SPTBN5: variants seen among roughly 807,000 people sequenced by gnomAD.
The protein encoded by SPTBN5 is spectrin beta chain, non-erythrocytic 5.
SPTBN5 carries 513 observed loss-of-function variants against 477.6 expected under a neutral mutation model. The observed-to-expected ratio is 1.07, with a 90% CI of 1.00 to 1.16. The LOEUF is 1.16. SPTBN5 is among the 50% of genes most tolerant of loss of function. The pLI, the probability that SPTBN5 is intolerant of heterozygous loss-of-function variation, is 0.00. For missense variants in SPTBN5, 5,062 were observed against 4,731.8 expected, an observed-to-expected ratio of 1.07 and a Z score of -2.05; for synonymous variants, 2,169 against 2,011.7, an observed-to-expected ratio of 1.08 and a Z score of -2.09.
intron 13 of SPTBN5, 48 bp downstream of exon 13, chr15:41,880,986 G>A (rs2066931132): frequency 6.6e-7 from 1 of 1,504,280 alleles, no homozygotes; most frequent in Non-Finnish European, 9.0e-7. Flanking sequence ...CACAGGAGCT[G>A]CTGGCACAGA....
chr15:41,851,415 C>T (rs564053062), intron 63 of SPTBN5, 46 bp from the exon 64 acceptor site: 2 of 1,422,700 alleles, frequency 1.4e-6, no homozygotes, highest in South Asian at 1.2e-5. Flanking sequence ...ACGCAGGAAG[C>T]CAGAGCTAGG....
chr15:41,853,722 C>G lies in SPTBN5; in HGVS notation c.9840G>C (p.Gln3280His). Reference protein sequence around the residue: ...RLQTEACRLGQLHPAAPGGLA... With the variant: ...RLQTEACRLGHLHPAAPGGLA... ...GGCCCCCCGGAGCTGCAGGATGTAG[C>G]TGGCCCAGTCGGCAGGCCTCCGTCT... The change falls in exon 58 of 68, where the codon CAG (glutamine) becomes CAC (histidine). Residue 3280 changes from glutamine to histidine, a missense_variant. Gln to His is a conservative substitution (Grantham distance 24). Transcript: ENST00000320955. 6.3e-7 allele frequency: 1 copy of G among 1,592,358 alleles called. No homozygotes were observed. Among genetic ancestry groups the G allele is most frequent in the East Asian group, 2.3e-5 (1 of 43,998 alleles).
At position 41,856,899 on chromosome 15, in the gene SPTBN5, T is replaced by C; in HGVS notation, c.8762A>G (p.Tyr2921Cys). Residue 2921 changes from tyrosine (Y) to cysteine (C), a missense_variant, in exon 52 of 68, where the codon TAT becomes TGT. Physicochemically the swap from Tyr to Cys is radical, Grantham distance 194 (BLOSUM62 -2). Transcript: ENST00000320955. ...EKLPLAAAQD[Y>C]GQSLSAVRHL... ...CCGCACCGCACTCAGGCTCTGGCCA[T>C]AGTCCTGGGCAGCGGCCAGAGGCAG... is the stretch of plus-strand genomic sequence containing the variant. The C allele has an allele frequency of 6.4e-7, 1 of 1,552,460 alleles. No homozygotes were observed.
rs2066746987 is a variant in SPTBN5 at position 41,876,721 on chromosome 15, AC to A, written c.3852-75del. ...CCCAGCACGAGGTGCACTCTCCCCC[AC>A]CCCCTACTCTCCCAGCCCTAGGGCG... is the stretch of plus-strand genomic sequence containing the variant. On this transcript the variant is annotated intron_variant, in intron 19 of 67. Transcript: ENST00000320955. The A allele has an allele frequency of 3.9e-6, 5 of 1,295,874 alleles. No homozygotes were observed. In the Admixed American group the frequency reaches 7.1e-5, roughly 18 times the overall value. The allele number at this position is 1,295,874 out of a possible 1,614,324, so 80.3% of individuals were successfully genotyped here.
At chr15:41,863,878 G>C in intron 40 of SPTBN5, 31 bp downstream of exon 40, 1 of 1,613,128 alleles carries the variant, frequency 6.2e-7, no homozygotes, top group East Asian at 2.2e-5. Context: ...CCTCTTCCCG[G>C]CCCTTTGGTT....
intron 61 of SPTBN5, 146 bp downstream of exon 61, chr15:41,852,488 C>T: frequency 7.9e-7 from 1 of 1,272,478 alleles, no homozygotes; most frequent in Non-Finnish European, 1.1e-6. Flanking sequence ...CACAATGGTG[C>T]CTCTCCCACC....
At position 41,882,252 on chromosome 15, in the gene SPTBN5, C is replaced by T; in HGVS notation, c.2247+17G>A. On this transcript the variant is annotated intron_variant, in intron 11 of 67. Transcript: ENST00000320955. ...GCCGGGCCCCGCCCCCACCCCGCCT[C>T]CACCCCTCCCCACTACCTGCAGGAC... The T allele has an allele frequency of 7.1e-7, 1 of 1,411,522 alleles. No individual in the cohort carries two copies. Among genetic ancestry groups the T allele is most frequent in the Non-Finnish European group, 9.3e-7 (1 of 1,073,866 alleles). 87.4% of individuals were successfully genotyped at this position (1,411,522 alleles called of 1,614,324 possible). A position where few individuals can be genotyped will look rare whatever the true frequency, so the allele number is the denominator to read the frequency against.
At chr15:41,870,669 T>C in intron 29 of SPTBN5, 109 bp from the exon 30 acceptor site, 1 of 863,284 alleles carries the variant, frequency 1.2e-6, no homozygotes, top group South Asian at 1.7e-5. Flanking sequence ...TATCGGGACT[T>C]GCCCAAAGCT....
Position 41,851,156 on chromosome 15 carries a change from G to A in SPTBN5, c.10744-6C>T. On this transcript the variant is annotated splice_polypyrimidine_tract_variant and splice_region_variant and intron_variant, in intron 64 of 67. Transcript: ENST00000320955. ...AGGGCTATGGAAGCTACTTTCTGAG[G>A]AGAGATGAGAGGCAGGGGTCACTGC... 1.9e-6 allele frequency: 3 copies of A among 1,611,964 alleles called. No individual in the cohort carries two copies. The highest frequency in any genetic ancestry group is 2.5e-6 in the Non-Finnish European group (3 of 1,179,246).
At chr15:41,850,503 C>T in intron 66 of SPTBN5, 3 of 288,418 alleles carry the variant, frequency 1.0e-5, no homozygotes, top group Non-Finnish European at 1.9e-5. Context: ...GCACCCAGAT[C>T]AGACAGAACA....
chr15:41,866,837 C>T, intron 36 of SPTBN5, 122 bp downstream of exon 36: 2 of 1,282,776 alleles, frequency 1.6e-6, no homozygotes, highest in Non-Finnish European at 2.1e-6. Context: ...TCCAGCACAG[C>T]CTCTGGGAAA....
Position 41,852,325 on chromosome 15 carries a change from G to T in SPTBN5, c.10450-9C>A. ...AGGAGCTCCTGTTCCATCTTGGGGA[G>T]TGGGCAAGGTGGGCAAGGTGAGCCA... On this transcript the variant is annotated splice_polypyrimidine_tract_variant and intron_variant, in intron 61 of 67. Transcript: ENST00000320955. The T allele has an allele frequency of 6.5e-7, 1 of 1,546,426 alleles. No individual in the cohort carries two copies. The highest frequency in any genetic ancestry group is 1.4e-5 in the African/African-American group (1 of 73,494).
intron 46 of SPTBN5, among the ~76,000 whole-genome samples, 187 bp downstream of exon 46, chr15:41,861,232 C>T (rs1423783723): frequency 6.6e-6 from 1 of 152,230 alleles, no homozygotes; most frequent in Non-Finnish European, 1.5e-5. Context: ...GGCCTGCCCA[C>T]AGCTGCATGG....
intron 48 of SPTBN5, 59 bp from the exon 49 acceptor site, chr15:41,858,807 G>C: frequency 1.3e-6 from 2 of 1,569,082 alleles, no homozygotes; most frequent in Non-Finnish European, 1.7e-6. Flanking sequence ...CCTGACCTCT[G>C]GGATACCCCA....
rs1171797898 is a variant in SPTBN5, at chr15:41,888,084, T to C, written c.503A>G (p.Glu168Gly). Residue 168 changes from glutamate (E) to glycine (G), a missense_variant and splice_region_variant, in exon 5 of 68, where the codon GAG becomes GGG. Glu to Gly is a moderately conservative substitution (Grantham distance 98). Coordinates refer to ENST00000320955, the MANE Select transcript of SPTBN5 (RefSeq NM_016642.4). The stretch of plus-strand genomic sequence containing the variant: ...CAGGGCTGCGCTGGCCCCAAACTCC[T>C]CCTGGCGGGACAGGGCAGCAGGGTC... ...FQISHISLDK[E>G]EFGASAALLS... is the part of the protein sequence containing the mutation. 3 of 1,566,972 alleles carry C rather than the reference T, an allele frequency of 1.9e-6. No individual in the cohort carries two copies. In the South Asian group the frequency reaches 3.5e-5, roughly 18 times the overall value.
rs369101702 is a variant in SPTBN5, at chr15:41,868,489, C to G, written c.5966G>C (p.Arg1989Pro). Residue 1989 changes from arginine (R) to proline (P), a missense_variant, in exon 33 of 68, where the codon CGG becomes CCG. By Grantham distance (103) the Arg-to-Pro change is moderately radical (BLOSUM62 -2). Coordinates refer to ENST00000320955, the MANE Select transcript of SPTBN5 (RefSeq NM_016642.4). ...CTTCTCCCGGGCCTCCAGCTCCGCC[C>G]GGAGCCACTGGTGGGCACTGAGCTT... is the stretch of plus-strand genomic sequence containing the variant. ...PLKLSAHQWL[R>P]AELEAREKLW... The G allele has an allele frequency of 4.3e-6, 7 of 1,611,412 alleles. No homozygotes were observed. The African/African-American group carries it at 8.0e-5, about 18-fold the overall frequency.
intron 36 of SPTBN5, 175 bp from the exon 37 acceptor site, chr15:41,866,668 C>A: frequency 1.2e-6 from 1 of 845,358 alleles, no homozygotes; most frequent in Non-Finnish European, 1.7e-6. Context: ...GGCAGCCGGG[C>A]AGGGCCTTGG....
In SPTBN5 at chr15:41,879,326, T is replaced by G. The variant is rs758698809; in HGVS notation, c.3116A>C (p.Gln1039Pro). Residue 1039 changes from glutamine to proline, a missense_variant, in exon 16 of 68, where the codon CAG (glutamine) becomes CCG (proline). Coordinates refer to ENST00000320955, the MANE Select transcript of SPTBN5 (RefSeq NM_016642.4). ...GSSEDTCHAL[Q>P]LAQKKTLVLE... The stretch of plus-strand genomic sequence containing the variant: ...CACCAGGGTCTTCTTCTGGGCCAGC[T>G]GCAGGGCGTGGCAGGTGTCCTCTGA... The G allele has an allele frequency of 3.1e-6, 5 of 1,611,286 alleles. No homozygotes were observed. In the Admixed American group the frequency reaches 5.0e-5, roughly 16 times the overall value.
At chr15:41,855,467 C>A in intron 54 of SPTBN5, 39 bp from the exon 55 acceptor site, 1 of 1,591,304 alleles carries the variant, frequency 6.3e-7, no homozygotes, top group Non-Finnish European at 8.6e-7. Context: ...GCAGCCCTGC[C>A]TTTCCAGGCT....
Sources: allele counts gnomAD v4.1 joint callset (sites outside exome capture counted in the v4.1 genomes callset), GRCh38; gene constraint gnomAD v4.1.1; transcripts MANE v1.5; gene names NCBI Gene and HGNC (gene_info 2026-07-23, HGNC 2026-07-21).